The following EIF2B4 variants were observed in gnomAD, a reference collection of about 807,000 sequenced individuals.
EIF2B4 encodes the protein eukaryotic translation initiation factor 2B subunit delta, also known as translation initiation factor eIF2B subunit delta.
EIF2B4 carries 34 observed loss-of-function variants against 66.7 expected under a neutral mutation model. That is an observed-to-expected ratio of 0.51 (90% confidence interval 0.39 to 0.68). The LOEUF is 0.68. EIF2B4 is among the 30% of genes least tolerant of loss of function. The probability of loss-of-function intolerance (pLI) is 0.00; values close to 1 mark genes in which losing one functional copy is unlikely to be tolerated. For synonymous variants in EIF2B4, 278 were observed against 253.6 expected (o/e 1.10, Z -0.92); for missense variants, 618 against 657.9 (o/e 0.94, Z 0.66).
At chr2:27,370,106 C>G in intron 1 of EIF2B4, 178 bp downstream of exon 1, 3 of 1,514,382 alleles carry the variant, frequency 2.0e-6, no homozygotes, top group Non-Finnish European at 2.7e-6. Flanking sequence ...GGTCACCGAC[C>G]CTCCTCACAG....
chr2:27,364,524 C>T lies in EIF2B4; in HGVS notation c.1448G>A (p.Arg483Gln), dbSNP rs776097463. Residue 483 changes from arginine to glutamine, a missense_variant, in exon 13 of 13, where the codon CGG (arginine) becomes CAG (glutamine). Transcript: ENST00000347454. The stretch of plus-strand genomic sequence containing the variant: ...CACATCATAGACTAGATTCAACAAC[C>T]GTAGGGATGCGTGGTTCTGCCAGTT... ...LANWQNHASLRLLNLVYDVTP... is the reference protein window; with the variant it reads ...LANWQNHASLQLLNLVYDVTP... 4.3e-6 allele frequency: 7 copies of T among 1,614,182 alleles called. No individual in the cohort carries two copies. Among genetic ancestry groups the T allele is most frequent in the East Asian group, 2.2e-5 (1 of 44,886 alleles).
At chr2:27,366,572 C>T (rs569383027) in intron 11 of EIF2B4, 187 bp downstream of exon 11, 4 of 692,450 alleles carry the variant, frequency 5.8e-6, no homozygotes, top group African/African-American at 5.3e-5. Context: ...CCCAGCTACT[C>T]AGAGGCGGAG....
At chr2:27,366,222 GTGT>G (rs1228415855) in intron 11 of EIF2B4, 1 of 29,690 alleles carries the variant, frequency 3.4e-5, no homozygotes, top group Non-Finnish European at 6.5e-5. Flanking sequence ...TGGGGTGTGT[GTGT>G]GTGTGTGTGT....
intron 8 of EIF2B4, 31 bp downstream of exon 8, chr2:27,367,715 G>A (rs571500174): frequency 6.3e-7 from 1 of 1,596,726 alleles, no homozygotes; most frequent in Non-Finnish European, 8.6e-7. Flanking sequence ...GATTGGGCGA[G>A]CTGGGAGTGG....
intron 12 of EIF2B4, 38 bp from the exon 13 acceptor site, chr2:27,364,637 A>G: frequency 6.2e-7 from 1 of 1,614,176 alleles, no homozygotes; most frequent in Non-Finnish European, 8.5e-7. Flanking sequence ...TCTTTCAGAA[A>G]AGAAGTTCTA....
chr2:27,365,007 C>A, intron 11 of EIF2B4, 109 bp from the exon 12 acceptor site: 1 of 1,101,752 alleles, frequency 9.1e-7, no homozygotes, highest in South Asian at 1.4e-5. Flanking sequence ...AATCTCAACA[C>A]CTGTGAAAAG....
At position 27,366,873 on chromosome 2, in the gene EIF2B4, T is replaced by G. The variant is rs1221026674; in HGVS notation, c.1077A>C (p.Val359=). ...CCAGCCATGGCCGGCTGTCCACCAC[T>G]ACCACCCGAAACCGCCGGCCCTCTG... ...AWTEGRRFRV[V]VVDSRPWLEG... The change falls in exon 11 of 13, where the codon GTA becomes GTC. Residue 359 remains valine, a synonymous_variant. Coordinates refer to ENST00000347454, the MANE Select transcript of EIF2B4 (RefSeq NM_001034116.2). 1 of 1,614,148 alleles carries G rather than the reference T, an allele frequency of 6.2e-7. No homozygotes were observed. The highest frequency in any genetic ancestry group is 1.1e-5 in the South Asian group (1 of 91,088).
Position 27,368,659 on chromosome 2 carries a change from G to T in EIF2B4, c.493C>A (p.Gln165Lys). 6.2e-7 allele frequency: 1 copy of T among 1,614,138 alleles called. No individual in the cohort carries two copies. The highest frequency in any genetic ancestry group is 8.5e-7 in the Non-Finnish European group (1 of 1,180,042). Residue 165 changes from glutamine to lysine, a missense_variant, in exon 5 of 13, where the codon CAA becomes AAA. By Grantham distance (53) the Gln-to-Lys change is moderately conservative. This residue lies in a region of EIF2B4 where 506 missense variants were observed against 511.9 expected (regional missense o/e 0.99). Coordinates refer to ENST00000347454, the MANE Select transcript of EIF2B4 (RefSeq NM_001034116.2). ...LRRLVKKPER[Q>K]QVPTRKDYGS... ...GCACCAAACCCACTTCCTACCTGTT[G>T]ACGCTCTGGTTTTTTAACAAGCCTT...
chr2:27,368,946 G>A (rs1048334665), intron 4 of EIF2B4, 60 bp downstream of exon 4: 3 of 1,600,654 alleles, frequency 1.9e-6, no homozygotes, highest in Non-Finnish European at 2.6e-6. Context: ...TTACTATTGG[G>A]CAGCCTGAGC....
intron 4 of EIF2B4, 72 bp from the exon 5 acceptor site, chr2:27,368,805 G>A: frequency 1.9e-6 from 3 of 1,542,896 alleles, no homozygotes; most frequent in South Asian, 1.1e-5. Flanking sequence ...AGGGTATAAG[G>A]GGCATCAAGA....
At chr2:27,364,997 A>G in intron 11 of EIF2B4, 99 bp from the exon 12 acceptor site, 3 of 1,168,602 alleles carry the variant, frequency 2.6e-6, no homozygotes, top group Non-Finnish European at 3.8e-6. Flanking sequence ...ACAAGTAATA[A>G]ATCTCAACAC....
chr2:27,368,278 C>G (rs1239488656), intron 6 of EIF2B4, 94 bp downstream of exon 6: 1 of 1,367,706 alleles, frequency 7.3e-7, no homozygotes, highest in Non-Finnish European at 1.0e-6. Context: ...ATACTTTTTC[C>G]TACAGAGTCC....
chr2:27,368,747 A>G lies in EIF2B4; in HGVS notation c.419-14T>C, dbSNP rs961728137. 3 of 1,613,200 alleles carry G rather than the reference A, an allele frequency of 1.9e-6. No individual in the cohort carries two copies. The highest frequency in any genetic ancestry group is 1.7e-5 in the Admixed American group (1 of 60,018). On this transcript the variant is annotated splice_polypyrimidine_tract_variant and intron_variant, in intron 4 of 12. Coordinates refer to ENST00000347454, the MANE Select transcript of EIF2B4 (RefSeq NM_001034116.2). ...GACGCTTCACTCCTGAAAGATAATCATCATGTTTTCAGGACACTGTAGGTC... is the reference window on the plus strand; with the variant it reads ...GACGCTTCACTCCTGAAAGATAATCGTCATGTTTTCAGGACACTGTAGGTC...
In EIF2B4 at chr2:27,364,551, G is replaced by C. The variant is rs761628155; in HGVS notation, c.1421C>G (p.Ala474Gly). The change falls in exon 13 of 13, where the codon GCT becomes GGT. Residue 474 changes from alanine to glycine, a missense_variant. Around this residue, in one of 4 missense-constraint regions of EIF2B4, gnomAD observed 63 missense variants for 47.5 expected, o/e 1.33. Transcript: ENST00000347454. The part of the protein sequence containing the change: ...QCKRGEHVAL[A>G]NWQNHASLRL... ...TAGGGATGCGTGGTTCTGCCAGTTA[G>C]CCAGCGCAACATGTTCTCCCCGCTT... is the stretch of plus-strand genomic sequence containing the variant. The C allele has an allele frequency of 2.5e-6, 4 of 1,614,182 alleles. No individual in the cohort carries two copies. Among genetic ancestry groups the C allele is most frequent in the East Asian group, 4.5e-5 (2 of 44,896 alleles).
intron 7 of EIF2B4, 87 bp downstream of exon 7, chr2:27,367,938 C>A: frequency 6.8e-7 from 1 of 1,466,656 alleles, no homozygotes; most frequent in Non-Finnish European, 9.4e-7. Context: ...TCCCTCTGTC[C>A]CCCAGAGATG....
In EIF2B4 at chr2:27,369,920, C is replaced by A. The variant is rs1682246203; in HGVS notation, c.32-1G>T. ...TCCGCCTTCATCCCGGATCCCGAGT[C>A]TGCATCAGAAAACAGGGCACAAAGT... On this transcript the variant is annotated splice_acceptor_variant, in intron 1 of 12. Coordinates refer to ENST00000347454, the MANE Select transcript of EIF2B4 (RefSeq NM_001034116.2). LOFTEE classifies it high-confidence loss of function. 25 of 1,582,556 alleles carry A rather than the reference C, an allele frequency of 1.6e-5. No individual in the cohort carries two copies. The highest frequency in any genetic ancestry group is 2.1e-5 in the Non-Finnish European group (25 of 1,164,614).
At chr2:27,370,105 CCCT>C in intron 1 of EIF2B4, 176 bp downstream of exon 1, 1 of 1,514,070 alleles carries the variant, frequency 6.6e-7, no homozygotes, top group Non-Finnish European at 8.9e-7. Context: ...GGGTCACCGA[CCCT>C]CCTCACAGCA....
At chr2:27,366,706 T>C in intron 11 of EIF2B4, 53 bp downstream of exon 11, 6 of 1,593,256 alleles carry the variant, frequency 3.8e-6, no homozygotes, top group Non-Finnish European at 5.2e-6. Flanking sequence ...ATTATGTCTA[T>C]ACTACTACAC....
Position 27,367,483 on chromosome 2 carries a change from C to T in EIF2B4, c.859G>A (p.Val287Met). Residue 287 changes from valine (V) to methionine (M), a missense_variant, in exon 9 of 13, where the codon GTG becomes ATG. Val to Met is a conservative substitution (Grantham distance 21, BLOSUM62 1). This residue lies in a region of EIF2B4 where 506 missense variants were observed against 511.9 expected (regional missense o/e 0.99). Coordinates refer to ENST00000347454, the MANE Select transcript of EIF2B4 (RefSeq NM_001034116.2). Reference sequence around the variant, plus strand: ...TCCTCTTCCCGCTTGGAACTGCCCACACTGGTGATTTCCTTGTTAAGGAAC... The same window carrying T: ...TCCTCTTCCCGCTTGGAACTGCCCATACTGGTGATTTCCTTGTTAAGGAAC... ...IKFLNKEITS[V>M]GSSKREEEAK... The T allele has an allele frequency of 1.9e-6, 3 of 1,614,168 alleles. No homozygotes were observed. The highest frequency in any genetic ancestry group is 2.5e-6 in the Non-Finnish European group (3 of 1,180,036).
Sources: gnomAD v4.1 joint callset for allele counts on GRCh38, gnomAD v4.1.1 for gene constraint, gnomAD v4.1.1 regional missense constraint, MANE v1.5 for transcripts, NCBI Gene and HGNC (gene_info 2026-07-23, HGNC 2026-07-21) for gene names.